ABCC1: variants seen among roughly 807,000 people sequenced by gnomAD.
ABCC1 encodes the protein ATP binding cassette subfamily C member 1 (ABCC1 blood group), also known as multidrug resistance-associated protein 1.
Under a neutral mutation model 172.9 loss-of-function variants are expected in ABCC1, and 83 were observed. That is an observed-to-expected ratio of 0.48 (90% CI 0.40 to 0.58). ABCC1 has a LOEUF of 0.58. Ranked by LOEUF, ABCC1 falls within the 20% of genes least tolerant of loss-of-function variation. The pLI, the probability that ABCC1 is intolerant of heterozygous loss-of-function variation, is 0.00. For missense variants in ABCC1, 1,817 were observed against 2,002.7 expected (o/e 0.91, Z 1.77); for synonymous variants, 937 against 825.2 (o/e 1.14, Z -2.32).
chr16:16,068,110 C>G, intron 12 of ABCC1, 46 bp from the exon 13 acceptor site: 1 of 1,610,912 alleles, frequency 6.2e-7, no homozygotes, highest in Non-Finnish European at 8.5e-7. Context: ...AGGATGATGA[C>G]TCTCACTCGG....
At chr16:15,966,439 A>G (rs867075924) in intron 1 of ABCC1, among the ~76,000 whole-genome samples, 3 of 149,248 alleles carry the variant, frequency 2.0e-5, no homozygotes, top group South Asian at 2.1e-4. Flanking sequence ...AGGCTTTTCT[A>G]GGGTTCCTCC....
chr16:16,006,608 C>T (rs1046198269), intron 1 of ABCC1, among the ~76,000 whole-genome samples: 7 of 150,770 alleles, frequency 4.6e-5, no homozygotes, highest in Non-Finnish European at 1.0e-4. Flanking sequence ...AATTTGTTTC[C>T]AAGGCTGGAC....
chr16:15,997,526 T>C (rs193194560), intron 1 of ABCC1, among the ~76,000 whole-genome samples: 1 of 152,306 alleles, frequency 6.6e-6, no homozygotes, highest in East Asian at 1.9e-4. Flanking sequence ...AGTTGGGTCC[T>C]TCTGATTCTG....
intron 30 of ABCC1, 61 bp downstream of exon 30, chr16:16,138,619 T>A: frequency 7.8e-7 from 1 of 1,290,168 alleles, no homozygotes; most frequent in Non-Finnish European, 1.0e-6. Flanking sequence ...ACTGGCTCAC[T>A]CATTAATTCA....
intron 9 of ABCC1, among the ~76,000 whole-genome samples, chr16:16,047,776 G>A (rs1202986774): frequency 6.6e-6 from 1 of 151,944 alleles, no homozygotes; most frequent in Non-Finnish European, 1.5e-5. Context: ...TAGAAATGCA[G>A]AATCCCAGGC....
At chr16:16,009,711 C>G (rs1165319737) in intron 2 of ABCC1, 65 bp from the exon 3 acceptor site, 3 of 1,478,242 alleles carry the variant, frequency 2.0e-6, no homozygotes, top group African/African-American at 1.4e-5. Flanking sequence ...CTGAGCTGTT[C>G]GTGCAGGCCC....
At chr16:16,052,041 G>A (rs1181458663) in intron 10 of ABCC1, among the ~76,000 whole-genome samples, 1 of 152,136 alleles carries the variant, frequency 6.6e-6, no homozygotes, top group South Asian at 2.1e-4. Flanking sequence ...GACCAGCTTA[G>A]GCAACATAGT....
At chr16:16,100,990 A>G (rs2051715837) in intron 19 of ABCC1, among the ~76,000 whole-genome samples, 1 of 149,216 alleles carries the variant, frequency 6.7e-6, no homozygotes, top group Non-Finnish European at 1.5e-5. Flanking sequence ...TTTTTGGTTT[A>G]TTTTCTTTTA....
At chr16:15,953,142 C>T (rs1371129378) in intron 1 of ABCC1, among the ~76,000 whole-genome samples, 1 of 152,036 alleles carries the variant, frequency 6.6e-6, no homozygotes, top group Non-Finnish European at 1.5e-5. Flanking sequence ...TCAAGACCAG[C>T]CTGACCAACA....
At position 16,036,589 on chromosome 16, in the gene ABCC1, C is replaced by G; in HGVS notation, c.795C>G (p.Cys265Trp). ...PVLVKNWKKE[C>W]AKTRKQPVKV... ...TGGTAAAGAACTGGAAGAAGGAATGCGCCAAGACTAGGAAGTAAGTGTGAG... is the reference window on the plus strand; with the variant it reads ...TGGTAAAGAACTGGAAGAAGGAATGGGCCAAGACTAGGAAGTAAGTGTGAG... Residue 265 changes from cysteine to tryptophan, a missense_variant, in exon 7 of 31, where the codon TGC becomes TGG. By Grantham distance (215) the Cys-to-Trp change is radical. Transcript: ENST00000399410. 6.2e-7 allele frequency: 1 copy of G among 1,613,876 alleles called. No individual in the cohort carries two copies. Among genetic ancestry groups the G allele is most frequent in the Non-Finnish European group, 8.5e-7 (1 of 1,179,846 alleles).
chr16:16,067,985 A>G (rs2050176982), intron 12 of ABCC1, among the ~76,000 whole-genome samples, 171 bp from the exon 13 acceptor site: 1 of 151,834 alleles, frequency 6.6e-6, no homozygotes, highest in Admixed American at 6.6e-5. Flanking sequence ...GTGTTTAGTG[A>G]GCACCTGCCA....
intron 24 of ABCC1, among the ~76,000 whole-genome samples, chr16:16,124,200 T>G (rs754840208): frequency 3.3e-5 from 5 of 152,222 alleles, no homozygotes; most frequent in Non-Finnish European, 5.9e-5. Flanking sequence ...TTCTACTTGT[T>G]TTTAGCCAAA....
chr16:16,019,198 G>A (rs904757371), intron 5 of ABCC1, among the ~76,000 whole-genome samples: 1 of 152,028 alleles, frequency 6.6e-6, no homozygotes, highest in Non-Finnish European at 1.5e-5. Flanking sequence ...CCGCCTCCTG[G>A]GTTCAAGCGA....
chr16:16,048,924 G>T (rs187689992), intron 10 of ABCC1, among the ~76,000 whole-genome samples: 28 of 152,058 alleles, frequency 1.8e-4, no homozygotes, highest in Middle Eastern at 6.8e-3. Flanking sequence ...CGGAGGTTGC[G>T]GTGAGCCGAG....
At chr16:16,102,956 A>G (rs2051838238) in intron 20 of ABCC1, among the ~76,000 whole-genome samples, 1 of 152,180 alleles carries the variant, frequency 6.6e-6, no homozygotes, top group South Asian at 2.1e-4. Context: ...CCAGCTGTCC[A>G]CGCTTCTGAC....
intron 23 of ABCC1, among the ~76,000 whole-genome samples, chr16:16,121,616 C>T (rs993381533): frequency 9.2e-5 from 14 of 152,206 alleles, no homozygotes; most frequent in Admixed American, 6.5e-4. Flanking sequence ...GCCATGTGAC[C>T]TTGGGGAGGA....
chr16:16,020,511 T>C (rs2048159360), intron 5 of ABCC1, among the ~76,000 whole-genome samples: 1 of 152,170 alleles, frequency 6.6e-6, no homozygotes, highest in Non-Finnish European at 1.5e-5. Flanking sequence ...ACACAGCCAC[T>C]CGCGTTCATC....
At chr16:15,980,283 T>C (rs144461071) in intron 1 of ABCC1, among the ~76,000 whole-genome samples, 3,421 of 152,170 alleles carry the variant, frequency 0.022, 153 homozygotes, top group African/African-American at 0.078. Context: ...GGTGGGAAGA[T>C]TGCTTGAGCC....
intron 13 of ABCC1, among the ~76,000 whole-genome samples, chr16:16,070,397 G>T (rs1184511470): frequency 3.3e-5 from 5 of 151,154 alleles, no homozygotes; most frequent in Non-Finnish European, 7.4e-5. Context: ...GGGCGCAGTG[G>T]CTCATGCCTG....
Sources: gnomAD v4.1 joint callset for allele counts (sites outside exome capture counted in the v4.1 genomes callset) on GRCh38, gnomAD v4.1.1 for gene constraint, MANE v1.5 for transcripts, NCBI Gene and HGNC (gene_info 2026-07-23, HGNC 2026-07-21) for gene names.